The following GPC3 variants were observed in gnomAD, a reference collection of about 807,000 sequenced individuals.
GPC3 encodes the protein glypican-3.
A neutral mutation model predicts 34.4 loss-of-function variants in GPC3; 3 were observed. The ratio of observed to expected loss-of-function variants is 0.09; its 90% CI spans 0.04 to 0.23. GPC3 has a LOEUF of 0.23. Ranked by LOEUF, GPC3 falls within the 10% of genes least tolerant of loss-of-function variation. The pLI, the probability that GPC3 is intolerant of heterozygous loss-of-function variation, is 1.00. For missense variants in GPC3, 351 were observed against 445.6 expected, an observed-to-expected ratio of 0.79 and a Z score of 1.91; for synonymous variants, 177 against 174.0, an observed-to-expected ratio of 1.02 and a Z score of -0.13.
chrX:133,985,244 C>A (rs377055558), intron 1 of GPC3, 31 bp downstream of exon 1: 4 of 1,202,133 alleles, frequency 3.3e-6, no homozygotes, highest in Non-Finnish European at 3.4e-6. Flanking sequence ...CCCCGCTGGG[C>A]GCTAGGCACG....
At chrX:133,643,829 A>ATGTTTTTTTTT (rs2070509820) in intron 6 of GPC3, among the ~76,000 whole-genome samples, 1 of 99,210 alleles carries the variant, frequency 1.0e-5, no homozygotes, top group Admixed American at 1.0e-4. Context: ...TTTTGTTTTT[A>ATGTTTTTTTTT]TGTTTTTTTT....
chrX:133,759,297 A>G (rs2071762054), intron 2 of GPC3, among the ~76,000 whole-genome samples: 1 of 111,987 alleles, frequency 8.9e-6, no homozygotes, highest in South Asian at 3.7e-4. Flanking sequence ...AAAGACTCAA[A>G]ATAGCTGTAA....
In GPC3 at chrX:133,870,897, T is replaced by A. The variant is rs1305847206; in HGVS notation, c.337+82153A>T. On this transcript the variant is annotated intron_variant, in intron 2 of 7. Coordinates refer to ENST00000370818, the MANE Select transcript of GPC3 (RefSeq NM_004484.4). ...TCCACCCCTATGGAGTATTTTACAC[T>A]GCTTCTTCTTCAATCTCTCTGCCTT... Among the ~76,000 whole-genome samples, 4 of 112,210 alleles carry A rather than the reference T, an allele frequency of 3.6e-5. No homozygotes were observed. The East Asian group carries it at 1.1e-3, about 31-fold the overall frequency.
chrX:133,862,396 A>G (rs2075941260), intron 2 of GPC3, among the ~76,000 whole-genome samples: 1 of 108,743 alleles, frequency 9.2e-6, no homozygotes, highest in Admixed American at 9.9e-5. Context: ...AAAAAAAAAT[A>G]GTGGCCGGGT....
chrX:133,733,313 A>G (rs1319107859), intron 3 of GPC3, among the ~76,000 whole-genome samples: 2 of 110,956 alleles, frequency 1.8e-5, no homozygotes, highest in Non-Finnish European at 3.8e-5. Flanking sequence ...AAAGCCAGAG[A>G]CAAAAAAGAA....
intron 7 of GPC3, among the ~76,000 whole-genome samples, chrX:133,562,446 C>T (rs1029327736): frequency 1.1e-4 from 12 of 110,463 alleles, no homozygotes; most frequent in South Asian, 4.0e-4. Flanking sequence ...GCCTGACCAA[C>T]ATAGTGAGAC....
At chrX:133,980,324 T>C (rs1251158802) in intron 1 of GPC3, among the ~76,000 whole-genome samples, 1 of 112,229 alleles carries the variant, frequency 8.9e-6, no homozygotes. Context: ...TAATGTATCG[T>C]AACAATTTGG....
intron 1 of GPC3, among the ~76,000 whole-genome samples, chrX:133,969,861 C>T (rs2076482723): frequency 8.9e-6 from 1 of 111,967 alleles, no homozygotes; most frequent in African/African-American, 3.2e-5. Flanking sequence ...ACGACCATAA[C>T]AACCTCCAGG....
At chrX:133,691,506 AAAAC>A (rs1385972321) in intron 5 of GPC3, among the ~76,000 whole-genome samples, 2 of 110,302 alleles carry the variant, frequency 1.8e-5, no homozygotes, top group African/African-American at 3.3e-5. Flanking sequence ...CTCAAAAAAA[AAAAC>A]AAACAAAAAA....
chrX:133,840,250 G>T (rs2075818201), intron 2 of GPC3, among the ~76,000 whole-genome samples: 1 of 111,181 alleles, frequency 9.0e-6, no homozygotes, highest in African/African-American at 3.3e-5. Context: ...AGGTTTATAG[G>T]CTATATATAT....
chrX:133,694,551 G>A (rs995441239), intron 4 of GPC3, among the ~76,000 whole-genome samples: 2 of 110,699 alleles, frequency 1.8e-5, no homozygotes, highest in Non-Finnish European at 3.8e-5. Flanking sequence ...AAAGAGTAAA[G>A]GCTGAGTCTA....
chrX:133,696,978 A>G (rs2071124460), intron 4 of GPC3, among the ~76,000 whole-genome samples: 1 of 112,243 alleles, frequency 8.9e-6, no homozygotes, highest in Non-Finnish European at 1.9e-5. Context: ...GCCATTTTCA[A>G]ATATGGCAGC....
chrX:133,762,409 T>G (rs987210816), intron 2 of GPC3, among the ~76,000 whole-genome samples: 1 of 112,142 alleles, frequency 8.9e-6, no homozygotes, highest in Non-Finnish European at 1.9e-5. Context: ...CAAAAGAAAC[T>G]GTCAGCAGAG....
intron 7 of GPC3, among the ~76,000 whole-genome samples, chrX:133,577,103 T>A (rs1475973941): frequency 9.8e-5 from 11 of 111,902 alleles, no homozygotes; most frequent in Non-Finnish European, 1.9e-5. Context: ...TTGAGCTACA[T>A]GTTCAGGCCA....
In GPC3 at chrX:133,674,822, G is replaced by A. The variant is rs375810976; in HGVS notation, c.1293-12972C>T. ...AGATGACTCTTGAAAATGCCCACAC[G>A]CTTTTTCAAATCTCTCTGCTCAGAA... is the stretch of plus-strand genomic sequence containing the variant. On this transcript the variant is annotated intron_variant, in intron 5 of 7. Transcript: ENST00000370818. 2.1e-4 allele frequency among the ~76,000 whole-genome samples: 24 copies of A among 111,681 alleles called. 1 individual carries two copies. The highest frequency in any genetic ancestry group is 6.2e-4 in the African/African-American group (19 of 30,736).
chrX:133,661,673 T>C (rs1318555864), intron 6 of GPC3, 57 bp downstream of exon 6: 1 of 311,538 alleles, frequency 3.2e-6, no homozygotes, highest in Non-Finnish European at 5.2e-6. Context: ...CTCCCCCTCC[T>C]CCTCTCTCTC....
chrX:133,549,610 C>CCTCTCTCT lies in GPC3; in HGVS notation c.1574-13325_1574-13318dup, dbSNP rs60078616. Among the ~76,000 whole-genome samples, 490 of 99,591 alleles carry CCTCTCTCT rather than the reference C, an allele frequency of 4.9e-3. 5 individuals are homozygous for CCTCTCTCT. Among genetic ancestry groups the CCTCTCTCT allele is most frequent in the African/African-American group, 0.019 (460 of 24,233 alleles). 86.5% of individuals were successfully genotyped at this position (99,591 alleles called of 115,157 possible). A position where few individuals can be genotyped will look rare whatever the true frequency, so the allele number is the denominator to read the frequency against. ...ATGCTATTCCCTTAGCCTGGAATGGCCTCTCTCTCTCTCTCCCTCCCTCCC... is the reference window on the plus strand; with the variant it reads ...ATGCTATTCCCTTAGCCTGGAATGGCCTCTCTCTCTCTCTCTCTCTCTCCCTCCCTCCC... On this transcript the variant is annotated intron_variant, in intron 7 of 7. Coordinates refer to ENST00000370818, the MANE Select transcript of GPC3 (RefSeq NM_004484.4).
chrX:133,907,580 C>CTA (rs1199701738), intron 2 of GPC3, among the ~76,000 whole-genome samples: 1 of 111,965 alleles, frequency 8.9e-6, no homozygotes, highest in Non-Finnish European at 1.9e-5. Flanking sequence ...TTATATCATA[C>CTA]TATATACACA....
chrX:133,783,072 A>C (rs2072065808), intron 2 of GPC3, among the ~76,000 whole-genome samples: 1 of 109,723 alleles, frequency 9.1e-6, no homozygotes, highest in Non-Finnish European at 1.9e-5. Flanking sequence ...GTGTCCTAGG[A>C]CTCAGCTTGG....
Sources: gnomAD v4.1 joint callset for allele counts (sites outside exome capture counted in the v4.1 genomes callset) on GRCh38, gnomAD v4.1.1 for gene constraint, MANE v1.5 for transcripts, NCBI Gene and HGNC (gene_info 2026-07-23, HGNC 2026-07-21) for gene names.